SSUH2: variants seen among roughly 807,000 people sequenced by gnomAD.
SSUH2 encodes the protein ssu-2 homolog, also known as protein SSUH2 homolog.
A neutral mutation model predicts 55.3 loss-of-function variants in SSUH2; 47 were observed. The ratio of observed to expected loss-of-function variants is 0.85; its 90% CI spans 0.67 to 1.08. The LOEUF (loss-of-function observed/expected upper bound fraction) is 1.08. SSUH2 is among the 50% of genes least tolerant of loss of function. The pLI is 0.00. For synonymous variants in SSUH2, 212 were observed against 191.5 expected (o/e 1.11, Z -0.89); for missense variants, 535 against 490.7 (o/e 1.09, Z -0.85).
chr3:8,643,464 T>C (rs1210268769), intron 1 of SSUH2, among the ~76,000 whole-genome samples: 1 of 152,212 alleles, frequency 6.6e-6, no homozygotes, highest in Non-Finnish European at 1.5e-5. Context: ...AGAGTATGGA[T>C]ATACAATTTC....
intron 5 of SSUH2, among the ~76,000 whole-genome samples, chr3:8,665,354 T>C (rs1282362554): frequency 6.6e-6 from 1 of 152,158 alleles, no homozygotes; most frequent in Non-Finnish European, 1.5e-5. Flanking sequence ...CCCTCGGTCA[T>C]CTTTTAATTT....
intron 2 of SSUH2, among the ~76,000 whole-genome samples, chr3:8,678,536 T>A (rs556495743): frequency 1.6e-5 from 2 of 124,060 alleles, no homozygotes; most frequent in East Asian, 4.4e-4. Flanking sequence ...CCAGCCCCTC[T>A]TCCCTCCATG....
At chr3:8,645,954 G>A (rs562709474), upstream of SSUH2, among the ~76,000 whole-genome samples, 15 of 152,270 alleles carry the variant, frequency 9.9e-5, no homozygotes, top group East Asian at 2.9e-3. Context: ...CTCACAAATC[G>A]ATTTTTATGG....
chr3:8,678,930 A>AGT lies in SSUH2; in HGVS notation c.-901+774_-901+775insAC, dbSNP rs1360361035. Among the ~76,000 whole-genome samples, 29 of 107,586 alleles carry AGT rather than the reference A, an allele frequency of 2.7e-4. 7 individuals carry two copies. The highest frequency in any genetic ancestry group is 5.7e-4 in the Non-Finnish European group (27 of 47,518). The allele number at this position is 107,586 out of a possible 152,430, so 70.6% of individuals were successfully genotyped here. A position where few individuals can be genotyped will look rare whatever the true frequency, so the allele number is the denominator to read the frequency against. On this transcript the variant is annotated intron_variant, in intron 2 of 18. Transcript: ENST00000317371. ...CCCCGCCAGGCGGGGACTGAGAGCC[A>AGT]GCCACTCTTCCCCTCCTGGCTCTTG...
At chr3:8,626,420 T>G in intron 8 of SSUH2, 99 bp from the exon 9 acceptor site, 1 of 840,426 alleles carries the variant, frequency 1.2e-6, no homozygotes, top group Non-Finnish European at 2.0e-6. Flanking sequence ...AGGTAGACTG[T>G]GGTGGGCCTG....
intron 1 of SSUH2, among the ~76,000 whole-genome samples, chr3:8,637,476 GT>G (rs1388131855): frequency 6.6e-6 from 1 of 152,166 alleles, no homozygotes; most frequent in African/African-American, 2.4e-5. Flanking sequence ...CCACCTGGGG[GT>G]GTGGAAGGCA....
intron 3 of SSUH2, chr3:8,634,604 GGA>G: frequency 7.8e-7 from 1 of 1,288,902 alleles, no homozygotes; most frequent in Middle Eastern, 2.1e-4. Flanking sequence ...ACTGTGGGCT[GGA>G]GAGGCCAGAG....
Position 8,630,873 on chromosome 3 carries a change from C to A in SSUH2, c.457G>T (p.Val153Phe). The stretch of plus-strand genomic sequence containing the variant: ...TCCTGAAACATCGGAGGACCTTGAA[C>A]CTTGATGTCCCAGAGCCTGGGGGAG... The part of the protein sequence containing the change: ...GASPRLWDIK[V>F]QGPPMFQEDT... Residue 153 changes from valine to phenylalanine, a missense_variant, in exon 6 of 12, where the codon GTT becomes TTT. Coordinates refer to ENST00000544814, the MANE Select transcript of SSUH2 (RefSeq NM_001256748.3). 5 of 1,498,976 alleles carry A rather than the reference C, an allele frequency of 3.3e-6. No individual in the cohort carries two copies. The highest frequency in any genetic ancestry group is 4.4e-6 in the Non-Finnish European group (5 of 1,124,464). The allele number at this position is 1,498,976 out of a possible 1,614,324, so 92.9% of individuals were successfully genotyped here. A position where few individuals can be genotyped will look rare whatever the true frequency, so the allele number is the denominator to read the frequency against.
intron 11 of SSUH2, among the ~76,000 whole-genome samples, chr3:8,621,698 G>C (rs892769106): frequency 1.1e-4 from 16 of 152,290 alleles, no homozygotes; most frequent in African/African-American, 3.9e-4. Context: ...CGGTGACTGA[G>C]TTTTCTTCAT....
intron 5 of SSUH2, chr3:8,663,957 C>G: frequency 2.5e-6 from 1 of 397,272 alleles, no homozygotes; most frequent in Non-Finnish European, 5.1e-6. Flanking sequence ...GTGAGGGATT[C>G]TTTGGCTTGT....
Position 8,681,217 on chromosome 3 carries a change from C to A in SSUH2, c.-1046+674G>T, listed in dbSNP as rs369366673. ...AATGAGAGCCAGCCCCTCTTCCCCC[C>A]CTGGCTCTCAGGACCCCCATCGCAG... On this transcript the variant is annotated intron_variant, in intron 1 of 18. Coordinates refer to the SSUH2 transcript ENST00000317371. Among the ~76,000 whole-genome samples the A allele has an allele frequency of 7.3e-3, 1,042 of 143,502 alleles. 15 individuals carry two copies. Among genetic ancestry groups the A allele is most frequent in the African/African-American group, 0.023 (899 of 39,162 alleles). 94.1% of individuals were successfully genotyped at this position (143,502 alleles called of 152,430 possible).
At chr3:8,658,628 G>A (rs1392984672) in intron 7 of SSUH2, among the ~76,000 whole-genome samples, 6 of 152,206 alleles carry the variant, frequency 3.9e-5, no homozygotes, top group Admixed American at 1.3e-4. Flanking sequence ...GAAAGGCAAA[G>A]GCCAGACTAT....
intron 11 of SSUH2, among the ~76,000 whole-genome samples, chr3:8,623,213 G>A (rs557604959): frequency 7.2e-5 from 11 of 152,352 alleles, no homozygotes; most frequent in African/African-American, 2.4e-4. Context: ...GGCCTGTGAC[G>A]TTCAATCCCC....
chr3:8,637,511 G>A (rs1207623511), intron 1 of SSUH2, among the ~76,000 whole-genome samples: 1 of 152,192 alleles, frequency 6.6e-6, no homozygotes, highest in Admixed American at 6.5e-5. Context: ...CACTTGACAT[G>A]AGGCACATGA....
intron 3 of SSUH2, among the ~76,000 whole-genome samples, chr3:8,674,758 G>C (rs1255188778): frequency 6.6e-6 from 1 of 152,142 alleles, no homozygotes; most frequent in Non-Finnish European, 1.5e-5. Context: ...AAGTTACCCA[G>C]AACAGGAGTC....
chr3:8,661,920 T>A (rs1703531133), intron 6 of SSUH2, among the ~76,000 whole-genome samples: 1 of 152,088 alleles, frequency 6.6e-6, no homozygotes, highest in Admixed American at 6.5e-5. Context: ...TGGTAGTGGA[T>A]AAGTCTCATG....
chr3:8,672,102 T>A (rs1420771068), intron 3 of SSUH2: 1 of 152,060 alleles, frequency 6.6e-6, no homozygotes, highest in Admixed American at 6.6e-5. Flanking sequence ...AGTATCGTCC[T>A]CTCCCACGTT....
At chr3:8,681,689 C>T (rs958637540) in intron 1 of SSUH2, among the ~76,000 whole-genome samples, 2 of 149,424 alleles carry the variant, frequency 1.3e-5, no homozygotes, top group Non-Finnish European at 3.0e-5. Context: ...TTCCCCCCGG[C>T]TCTTAGGACC....
intron 1 of SSUH2, among the ~76,000 whole-genome samples, chr3:8,681,650 G>GA (rs1705961215): frequency 6.8e-6 from 1 of 147,680 alleles, no homozygotes; most frequent in Non-Finnish European, 1.5e-5. Flanking sequence ...GGCACCCCCC[G>GA]TGCGATGGGG....
Sources: allele counts gnomAD v4.1 joint callset (sites outside exome capture counted in the v4.1 genomes callset), GRCh38; gene constraint gnomAD v4.1.1; transcripts MANE v1.5; gene names NCBI Gene and HGNC (gene_info 2026-07-23, HGNC 2026-07-21).